CYFIP1: variants seen among roughly 807,000 people sequenced by gnomAD.
CYFIP1 encodes the protein cytoplasmic FMR1-interacting protein 1.
Under a neutral mutation model 163.5 loss-of-function variants are expected in CYFIP1, and 58 were observed. The observed-to-expected ratio is 0.35, with a 90% CI of 0.29 to 0.44. The LOEUF is 0.44. CYFIP1 is among the 20% of genes least tolerant of loss of function. CYFIP1 has a pLI of 1.00. For synonymous variants in CYFIP1, 663 were observed against 660.7 expected, an observed-to-expected ratio of 1.00 and a Z score of -0.05; for missense variants, 1,338 against 1,653.8, an observed-to-expected ratio of 0.81 and a Z score of 3.31.
chr15:22,872,134 A>G (rs1175590482), intron 30 of CYFIP1, among the ~76,000 whole-genome samples: 1 of 151,988 alleles, frequency 6.6e-6, no homozygotes, highest in Non-Finnish European at 1.5e-5. Context: ...ACAAAATTAC[A>G]AAATACAAAA....
intron 21 of CYFIP1, among the ~76,000 whole-genome samples, chr15:22,907,489 A>G (rs2060624272): frequency 6.6e-6 from 1 of 152,202 alleles, no homozygotes; most frequent in South Asian, 2.1e-4. Flanking sequence ...AATCATCATA[A>G]AAGAAATTCA....
chr15:22,898,799 C>G (rs1315303771), intron 22 of CYFIP1, among the ~76,000 whole-genome samples: 1 of 151,994 alleles, frequency 6.6e-6, no homozygotes, highest in Non-Finnish European at 1.5e-5. Flanking sequence ...GTCAGGAGAT[C>G]AAGACCATCC....
At chr15:22,903,587 G>T in intron 22 of CYFIP1, 119 bp downstream of exon 22, 2 of 1,075,118 alleles carry the variant, frequency 1.9e-6, no homozygotes, top group East Asian at 2.4e-5. Context: ...CTTCATGTGA[G>T]AAGTGATGGG....
At chr15:22,882,756 T>C (rs2059803307) in intron 24 of CYFIP1, 112 bp downstream of exon 24, 6 of 1,289,864 alleles carry the variant, frequency 4.7e-6, no homozygotes, top group African/African-American at 1.5e-5. Flanking sequence ...TGAAGCCTAA[T>C]TGAACGAATC....
chr15:22,872,378 TTAAC>T (rs1021232919), intron 30 of CYFIP1, among the ~76,000 whole-genome samples: 4 of 152,012 alleles, frequency 2.6e-5, no homozygotes, highest in Admixed American at 6.6e-5. Flanking sequence ...TAACATATGT[TTAAC>T]TGAAGTCCTG....
chr15:22,927,245 T>A (rs2061383974), intron 12 of CYFIP1, among the ~76,000 whole-genome samples: 1 of 151,948 alleles, frequency 6.6e-6, no homozygotes, highest in Non-Finnish European at 1.5e-5. Flanking sequence ...TTTGGGAGAC[T>A]GAGGCGGGTA....
At chr15:22,913,975 G>A (rs1186578325) in intron 17 of CYFIP1, among the ~76,000 whole-genome samples, 3 of 152,206 alleles carry the variant, frequency 2.0e-5, no homozygotes, top group Non-Finnish European at 4.4e-5. Context: ...TCAGAAGACA[G>A]ACCGGCTGGG....
chr15:22,912,309 T>C (rs1283932889), intron 17 of CYFIP1, 34 bp from the exon 18 acceptor site: 4 of 1,525,226 alleles, frequency 2.6e-6, no homozygotes, highest in East Asian at 2.4e-5. Context: ...ACCAGCAGCC[T>C]CTGCCACTCA....
Position 22,952,659 on chromosome 15 carries a change from C to CAAAA in CYFIP1, c.-6-5372_-6-5369dup, listed in dbSNP as rs3083512. 2.1e-3 allele frequency among the ~76,000 whole-genome samples: 97 copies of CAAAA among 45,684 alleles called. 8 individuals carry two copies. The highest frequency in any genetic ancestry group is 2.6e-3 in the Non-Finnish European group (74 of 28,186). 30.0% of individuals were successfully genotyped at this position (45,684 alleles called of 152,430 possible). On this transcript the variant is annotated intron_variant, in intron 1 of 30. Transcript: ENST00000617928. ...GACAGAGTGAGGTGAGACTCCATCT[C>CAAAA]AAAAAAAAAAAAAAAAGGTAAACAT...
At chr15:22,947,852 T>C in intron 1 of CYFIP1, 1 of 762,452 alleles carries the variant, frequency 1.3e-6, no homozygotes, top group Non-Finnish European at 1.6e-6. Flanking sequence ...GGACAGAAAG[T>C]GCCACACCGC....
At position 22,927,891 on chromosome 15, in the gene CYFIP1, G is replaced by C. The variant is rs116171636; in HGVS notation, c.1233+15C>G. On this transcript the variant is annotated intron_variant, in intron 12 of 30. Transcript: ENST00000617928. ...GCAGCTTTGGAGCGGGGCTGGGGTCGGGGACGGGGCCTACCACTTCCATCA... is the reference window on the plus strand; with the variant it reads ...GCAGCTTTGGAGCGGGGCTGGGGTCCGGGACGGGGCCTACCACTTCCATCA... The C allele has an allele frequency of 1.2e-3, 1,983 of 1,590,390 alleles. 26 individuals carry two copies. The African/African-American group carries it at 0.023, about 18-fold the overall frequency.
intron 1 of CYFIP1, among the ~76,000 whole-genome samples, chr15:22,979,139 T>A (rs1022608167): frequency 6.6e-6 from 1 of 152,168 alleles, no homozygotes; most frequent in Non-Finnish European, 1.5e-5. Context: ...ACTATATCCC[T>A]ACTGGCCCTA....
intron 5 of CYFIP1, among the ~76,000 whole-genome samples, chr15:22,944,089 A>C (rs1165613228): frequency 6.6e-6 from 1 of 152,040 alleles, no homozygotes; most frequent in Non-Finnish European, 1.5e-5. Context: ...AAATACAAAA[A>C]TTAGCTGGGC....
rs2060920971 is a variant in CYFIP1, at chr15:22,914,992, C to T, written c.1829-110G>A. 8 of 1,178,866 alleles carry T rather than the reference C, an allele frequency of 6.8e-6. No homozygotes were observed. In the East Asian group the frequency reaches 1.6e-4, roughly 23 times the overall value. The allele number at this position is 1,178,866 out of a possible 1,614,324, so 73.0% of individuals were successfully genotyped here. A position where few individuals can be genotyped will look rare whatever the true frequency, so the allele number is the denominator to read the frequency against. On this transcript the variant is annotated intron_variant, in intron 16 of 30. Transcript: ENST00000617928. ...GTGCCTGCTCCTCCTCGCTCAGCCCCAAGCCATGCAGCATGGACATGAGTG... is the reference window on the plus strand; with the variant it reads ...GTGCCTGCTCCTCCTCGCTCAGCCCTAAGCCATGCAGCATGGACATGAGTG...
At chr15:22,980,460 C>T (rs867078025), upstream of CYFIP1, 2 of 152,398 alleles carry the variant, frequency 1.3e-5, no homozygotes, top group African/African-American at 4.8e-5. Context: ...CCCTCCCGGC[C>T]GCGGCCCCGG....
chr15:22,923,257 C>A (rs973143157), intron 13 of CYFIP1, among the ~76,000 whole-genome samples: 4 of 152,066 alleles, frequency 2.6e-5, no homozygotes, highest in East Asian at 3.9e-4. Flanking sequence ...GGAACTGTTA[C>A]AACTCAATAA....
At chr15:22,884,327 A>G (rs1486782487) in intron 23 of CYFIP1, among the ~76,000 whole-genome samples, 2 of 152,222 alleles carry the variant, frequency 1.3e-5, no homozygotes, top group African/African-American at 4.8e-5. Flanking sequence ...CCTAGATACA[A>G]TAGGGGTACA....
At chr15:22,871,038 G>C (rs2059420324) in intron 30 of CYFIP1, among the ~76,000 whole-genome samples, 1 of 152,204 alleles carries the variant, frequency 6.6e-6, no homozygotes, top group Admixed American at 6.5e-5. Flanking sequence ...AGCAGCCCGG[G>C]CGTAAGCAAG....
chr15:22,874,687 T>C (rs765092892), intron 27 of CYFIP1, 43 bp from the exon 28 acceptor site: 1 of 1,372,578 alleles, frequency 7.3e-7, no homozygotes, highest in Admixed American at 2.6e-5. Flanking sequence ...CTCCTTTGTA[T>C]GAAACGGTAA....
Sources: gnomAD v4.1 joint callset for allele counts (sites outside exome capture counted in the v4.1 genomes callset) on GRCh38, gnomAD v4.1.1 for gene constraint, MANE v1.5 for transcripts, NCBI Gene and HGNC (gene_info 2026-07-23, HGNC 2026-07-21) for gene names.